Variants in SF3B1 observed in about 807,000 individuals in gnomAD.
The protein encoded by SF3B1 is splicing factor 3b subunit 1, also known as pre-mRNA processing 10.
A neutral mutation model predicts 153.8 loss-of-function variants in SF3B1; 12 were observed. That is an observed-to-expected ratio of 0.08 (90% CI 0.05 to 0.13). The LOEUF is 0.13. Among genes scored for constraint, SF3B1 ranks in the 10% least tolerant of loss-of-function variants. The probability of loss-of-function intolerance (pLI) is 1.00; values close to 1 mark genes in which losing one functional copy is unlikely to be tolerated. For missense variants in SF3B1, 513 were observed against 1,606.1 expected, an observed-to-expected ratio of 0.32 and a Z score of 11.63; for synonymous variants, 498 against 525.2, an observed-to-expected ratio of 0.95 and a Z score of 0.71.
Position 197,423,694 on chromosome 2 carries a change from A to T in SF3B1, c.195+114T>A, listed in dbSNP as rs577858479. ...GATACCTCCAGTAGTTTTATCCTCT[A>T]AAAGATCCCAAAAATGTTTCTCCAG... On this transcript the variant is annotated intron_variant, in intron 2 of 24. Coordinates refer to ENST00000335508, the MANE Select transcript of SF3B1 (RefSeq NM_012433.4). 4.1e-5 allele frequency: 41 copies of T among 1,002,028 alleles called. No homozygotes were observed. The African/African-American group carries it at 6.3e-4, about 15-fold the overall frequency. The allele number at this position is 1,002,028 out of a possible 1,614,324, so 62.1% of individuals were successfully genotyped here.
chr2:197,430,952 T>C (rs1422966203), intron 1 of SF3B1, among the ~76,000 whole-genome samples: 1 of 152,146 alleles, frequency 6.6e-6, no homozygotes, highest in East Asian at 1.9e-4. Flanking sequence ...GAGCAACCCC[T>C]GGCCTCCTGT....
Position 197,400,604 on chromosome 2 carries a change from T to G in SF3B1, c.2718+111A>C, listed in dbSNP as rs1249107045. 9.5e-7 allele frequency: 1 copy of G among 1,049,830 alleles called. No individual in the cohort carries two copies. The highest frequency in any genetic ancestry group is 2.6e-5 in the Admixed American group (1 of 39,180). The allele number at this position is 1,049,830 out of a possible 1,614,324, so 65.0% of individuals were successfully genotyped here. A position where few individuals can be genotyped will look rare whatever the true frequency, so the allele number is the denominator to read the frequency against. On this transcript the variant is annotated intron_variant, in intron 18 of 24. Transcript: ENST00000335508. The surrounding 1 kb of genome is among the most constrained non-coding windows in gnomAD (Gnocchi z 5.0). ...ATCGTTTGGTAACCCCCTGAGCATT[T>G]TAAAAATTACTTCAAATTCAATTGC...
intron 1 of SF3B1, among the ~76,000 whole-genome samples, chr2:197,427,099 A>C (rs1326178457): frequency 6.6e-6 from 1 of 152,208 alleles, no homozygotes; most frequent in Non-Finnish European, 1.5e-5. Context: ...AGAGTTTTCC[A>C]ATTACAAAGG....
intron 5 of SF3B1, among the ~76,000 whole-genome samples, chr2:197,418,257 A>AAAAAAAAAAAAAAAAAAAAAAAAC (rs2085185230): frequency 7.0e-6 from 1 of 142,768 alleles, no homozygotes; most frequent in Admixed American, 7.1e-5. Flanking sequence ...AAAAAAAAAA[A>AAAAAAAAAAAAAAAAAAAAAAAAC]AAAAAAATCC....
rs1429915301 is a variant in SF3B1 at position 197,407,811 on chromosome 2, A to G, written c.1239+187T>C. ...TCTTTGAGATGTCTTTCAAAAAGTAATAAAAGTTTCATGTTGTTCATTTCT... is the reference window on the plus strand; with the variant it reads ...TCTTTGAGATGTCTTTCAAAAAGTAGTAAAAGTTTCATGTTGTTCATTTCT... On this transcript the variant is annotated intron_variant, in intron 9 of 24. Transcript: ENST00000335508. 1.2e-5 allele frequency: 6 copies of G among 506,112 alleles called. No individual in the cohort carries two copies. The East Asian group carries it at 1.7e-4, about 14-fold the overall frequency. 31.4% of individuals were successfully genotyped at this position (506,112 alleles called of 1,614,324 possible).
At chr2:197,406,164 G>A (rs2105991553) in intron 9 of SF3B1, among the ~76,000 whole-genome samples, 1 of 150,106 alleles carries the variant, frequency 6.7e-6, no homozygotes, top group African/African-American at 2.4e-5. Context: ...AGCACTTTGG[G>A]AGGCTGAGAT....
chr2:197,406,658 C>A (rs914372770), intron 9 of SF3B1, among the ~76,000 whole-genome samples: 14 of 152,198 alleles, frequency 9.2e-5, no homozygotes, highest in Non-Finnish European at 1.9e-4. Context: ...GACATGCAGG[C>A]AGTCAACAGT....
chr2:197,399,993 A>G, intron 20 of SF3B1, 62 bp downstream of exon 20: 1 of 1,196,902 alleles, frequency 8.4e-7, no homozygotes, highest in Non-Finnish European at 1.2e-6. Context: ...TTACTTACGA[A>G]AAAAAAAAGA....
At chr2:197,432,002 G>A (rs965400427) in intron 1 of SF3B1, among the ~76,000 whole-genome samples, 7 of 152,110 alleles carry the variant, frequency 4.6e-5, no homozygotes, top group Admixed American at 2.6e-4. Context: ...GCACACGCCT[G>A]TAGTTGTAGC....
At chr2:197,412,419 A>G (rs2105999393) in intron 6 of SF3B1, among the ~76,000 whole-genome samples, 1 of 151,682 alleles carries the variant, frequency 6.6e-6, no homozygotes, top group African/African-American at 2.4e-5. Flanking sequence ...CCAATGGCGC[A>G]GTCTCGGCTC....
chr2:197,402,515 TA>T lies in SF3B1; in HGVS notation c.2077+40del. 1 of 1,555,634 alleles carries T rather than the reference TA, an allele frequency of 6.4e-7. No individual in the cohort carries two copies. The highest frequency in any genetic ancestry group is 1.1e-5 in the South Asian group (1 of 87,582). On this transcript the variant is annotated intron_variant, in intron 14 of 24. Coordinates refer to ENST00000335508, the MANE Select transcript of SF3B1 (RefSeq NM_012433.4). The surrounding 1 kb of genome is among the most constrained non-coding windows in gnomAD (Gnocchi z 4.6). ...GGCAACATAGTAAGACCCTGTCTCC[TA>T]AAGAAAAAAAAAAAAAGACAAAGTT...
chr2:197,396,676 G>A (rs1024457469), intron 22 of SF3B1, among the ~76,000 whole-genome samples: 1 of 152,188 alleles, frequency 6.6e-6, no homozygotes, highest in Non-Finnish European at 1.5e-5. Flanking sequence ...AATTCTCTGA[G>A]TTGTCAAAAT....
Position 197,392,969 on chromosome 2 carries a change from T to C in SF3B1, c.3756+3A>G. The C allele has an allele frequency of 1.0e-5, 16 of 1,567,184 alleles. No individual in the cohort carries two copies. Among genetic ancestry groups the C allele is most frequent in the Non-Finnish European group, 1.4e-5 (16 of 1,148,892 alleles). On this transcript the variant is annotated splice_donor_region_variant and intron_variant, in intron 24 of 24. Coordinates refer to ENST00000335508, the MANE Select transcript of SF3B1 (RefSeq NM_012433.4). ...CCGATTAAAAAAAAAATCTTTAACT[T>C]ACCTGTAAACAATATTGCAACATTC...
rs2084946878 is a variant in SF3B1, at chr2:197,402,535, C to CA, written c.2077+20dup. The CA allele has an allele frequency of 6.4e-7, 1 of 1,561,804 alleles. No individual in the cohort carries two copies. Among genetic ancestry groups the CA allele is most frequent in the African/African-American group, 1.4e-5 (1 of 72,900 alleles). On this transcript the variant is annotated intron_variant, in intron 14 of 24. Transcript: ENST00000335508. The surrounding 1 kb of genome is among the most constrained non-coding windows in gnomAD (Gnocchi z 4.6). ...TCTCCTAAAGAAAAAAAAAAAAAGA[C>CA]AAAGTTACATTACAACTTACCATGT...
chr2:197,409,930 G>C lies in SF3B1; in HGVS notation c.744C>G (p.Thr248=). ...TAGGATCCCATATTTTTGAGCCTGG[G>C]GTTGCTCCAGGAGTCTCGCTTCCCT... ...RAKGSETPGA[T]PGSKIWDPTP... Residue 248 remains threonine, a synonymous_variant, in exon 7 of 25, where the codon ACC becomes ACG. Coordinates refer to ENST00000335508, the MANE Select transcript of SF3B1 (RefSeq NM_012433.4). 1 of 1,614,074 alleles carries C rather than the reference G, an allele frequency of 6.2e-7. No individual in the cohort carries two copies. Among genetic ancestry groups the C allele is most frequent in the Non-Finnish European group, 8.5e-7 (1 of 1,180,028 alleles).
At chr2:197,405,219 T>TA (rs751925238) in intron 10 of SF3B1, 42 bp from the exon 11 acceptor site, 5 of 1,596,700 alleles carry the variant, frequency 3.1e-6, no homozygotes, top group Non-Finnish European at 4.3e-6. Context: ...GTTGAAATGT[T>TA]ATGATTTATA....
At chr2:197,422,526 A>G (rs2085261832) in intron 2 of SF3B1, among the ~76,000 whole-genome samples, 1 of 152,108 alleles carries the variant, frequency 6.6e-6, no homozygotes, top group African/African-American at 2.4e-5. Flanking sequence ...CATTGTGCAC[A>G]TGGACCCTAG....
intron 2 of SF3B1, among the ~76,000 whole-genome samples, chr2:197,423,367 CT>C: frequency 7.1e-6 from 1 of 139,914 alleles, no homozygotes. Context: ...GTGAGACTGT[CT>C]CAAAAAAAAA....
rs1161554146 is a variant in SF3B1, at chr2:197,402,244, A to G, written c.2078-114T>C. On this transcript the variant is annotated intron_variant, in intron 14 of 24. Coordinates refer to ENST00000335508, the MANE Select transcript of SF3B1 (RefSeq NM_012433.4). This position sits in a 1 kb window ranked among gnomAD's most constrained non-coding sequence, Gnocchi z 4.6. ...CAGCCAAACTGCAGAATATGTTCAC[A>G]TTAAACAAAATTAGGTAAAAGCAAA... 1.1e-5 allele frequency: 14 copies of G among 1,261,908 alleles called. No homozygotes were observed. Among genetic ancestry groups the G allele is most frequent in the Non-Finnish European group, 1.4e-5 (13 of 923,334 alleles). 78.2% of individuals were successfully genotyped at this position (1,261,908 alleles called of 1,614,324 possible).
Sources: gnomAD v4.1 joint callset for allele counts (sites outside exome capture counted in the v4.1 genomes callset) on GRCh38, gnomAD v4.1.1 for gene constraint, Gnocchi (gnomAD v3.1) non-coding constraint, MANE v1.5 for transcripts, NCBI Gene and HGNC (gene_info 2026-07-23, HGNC 2026-07-21) for gene names.